SP3: variants seen among roughly 807,000 people sequenced by gnomAD.
SP3 encodes the protein transcription factor Sp3.
In SP3, 10 loss-of-function variants were observed where a neutral mutation model predicts 70.3. The observed-to-expected ratio is 0.14, with a 90% CI of 0.09 to 0.24. The LOEUF is 0.24. Among genes scored for constraint, SP3 ranks in the 10% least tolerant of loss-of-function variants. The pLI, the probability that SP3 is intolerant of heterozygous loss-of-function variation, is 1.00. For synonymous variants in SP3, 402 were observed against 333.5 expected (o/e 1.21, Z -2.24); for missense variants, 825 against 914.6 (o/e 0.90, Z 1.26).
intron 5 of SP3, chr2:173,914,343 T>C (rs1689572051): frequency 6.6e-6 from 1 of 152,058 alleles, no homozygotes; most frequent in Non-Finnish European, 1.5e-5. Context: ...AGTTTAGGCA[T>C]ATCCTGTAAA....
intron 3 of SP3, among the ~76,000 whole-genome samples, chr2:173,961,935 G>GC (rs1691094318): frequency 1.2e-5 from 1 of 81,014 alleles, no homozygotes; most frequent in Non-Finnish European, 2.4e-5. Flanking sequence ...TATGGTTTGG[G>GC]TTTTTTTTTT....
At chr2:173,948,090 G>GA (rs1391691875) in intron 4 of SP3, among the ~76,000 whole-genome samples, 2 of 152,116 alleles carry the variant, frequency 1.3e-5, no homozygotes, top group Non-Finnish European at 2.9e-5. Context: ...CCAGGCTCTT[G>GA]TTTTCAGCAA....
At chr2:173,962,685 G>A (rs1045326411) in intron 3 of SP3, among the ~76,000 whole-genome samples, 4 of 151,572 alleles carry the variant, frequency 2.6e-5, no homozygotes, top group Non-Finnish European at 5.9e-5. Context: ...AGCATTTGTT[G>A]TAGACTATAC....
intron 4 of SP3, among the ~76,000 whole-genome samples, chr2:173,941,626 T>G (rs748166083): frequency 1.8e-4 from 28 of 152,062 alleles, no homozygotes; most frequent in Non-Finnish European, 3.8e-4. Flanking sequence ...GGGATAAGCA[T>G]TCCCTCCTCC....
intron 4 of SP3, among the ~76,000 whole-genome samples, chr2:173,927,256 A>G (rs2105468224): frequency 6.6e-6 from 1 of 151,858 alleles, no homozygotes; most frequent in South Asian, 2.1e-4. Flanking sequence ...TGGGACTTCC[A>G]AACCATATCA....
rs1423911680 is a variant in SP3, at chr2:173,910,124, A to G, written c.2163T>C (p.Ala721=). 1 of 1,612,480 alleles carries G rather than the reference A, an allele frequency of 6.2e-7. No homozygotes were observed. Among genetic ancestry groups the G allele is most frequent in the Middle Eastern group, 1.7e-4 (1 of 6,046 alleles). ...SSSTVLASVE[A]ARDDTLITAG... is the part of the protein sequence containing the mutation. ...CAGTAATCAAAGTATCATCTCGCGC[A>G]GCTTCCACAGATGCCAGCACTGTAC... is the stretch of plus-strand genomic sequence containing the variant. The change falls in exon 7 of 7, where the codon GCT becomes GCC. Residue 721 remains alanine, a synonymous_variant. Coordinates refer to ENST00000310015, the MANE Select transcript of SP3 (RefSeq NM_003111.5).
Position 173,909,959 on chromosome 2 carries a change from T to A in SP3, c.2328A>T (p.Gly776=). The change falls in exon 7 of 7, where the codon GGA becomes GGT. Residue 776 remains glycine (G), a synonymous_variant. Transcript: ENST00000310015. Reference sequence around the variant, plus strand: ...GTAATATTTACTCCATTGTCTCATTTCCAGAAACTGTGACAAGCTGTAAAG... The same window carrying A: ...GTAATATTTACTCCATTGTCTCATTACCAGAAACTGTGACAAGCTGTAAAG... ...EIPLQLVTVS[G]NETME is the part of the protein sequence containing the mutation. 3.7e-6 allele frequency: 6 copies of A among 1,613,742 alleles called. No homozygotes were observed. The South Asian group carries it at 6.6e-5, about 18-fold the overall frequency.
chr2:173,957,438 T>A (rs1690932429), intron 3 of SP3, among the ~76,000 whole-genome samples: 1 of 152,268 alleles, frequency 6.6e-6, no homozygotes, highest in East Asian at 1.9e-4. Flanking sequence ...TATTAGAATA[T>A]AAGATTTTCC....
At chr2:173,951,160 T>C (rs1690700923) in intron 4 of SP3, among the ~76,000 whole-genome samples, 1 of 152,200 alleles carries the variant, frequency 6.6e-6, no homozygotes, top group Non-Finnish European at 1.5e-5. Context: ...AAATCAAAGT[T>C]TCTAGATTTA....
At chr2:173,920,136 TATG>T (rs1454485845) in intron 4 of SP3, among the ~76,000 whole-genome samples, 3 of 152,218 alleles carry the variant, frequency 2.0e-5, no homozygotes, top group Non-Finnish European at 4.4e-5. Flanking sequence ...TGGGATCGTG[TATG>T]ATATTTATAT....
At chr2:173,946,717 C>T (rs976600706) in intron 4 of SP3, among the ~76,000 whole-genome samples, 1 of 140,780 alleles carries the variant, frequency 7.1e-6, no homozygotes, top group Non-Finnish European at 1.5e-5. Flanking sequence ...AAAGAAAGAT[C>T]TGCCTTTTTT....
chr2:173,938,667 G>C (rs1690276407), intron 4 of SP3, among the ~76,000 whole-genome samples: 1 of 151,880 alleles, frequency 6.6e-6, no homozygotes, highest in Admixed American at 6.6e-5. Flanking sequence ...ACAAGACAAA[G>C]GACAAGTGCT....
In SP3 at chr2:173,902,271, C is replaced by G. The variant is rs538979850; in HGVS notation, c.*7670G>C. Among the ~76,000 whole-genome samples, 1 of 152,272 alleles carries G rather than the reference C, an allele frequency of 6.6e-6. No homozygotes were observed. The highest frequency in any genetic ancestry group is 1.9e-4 in the East Asian group (1 of 5,184). On this transcript the variant is annotated 3_prime_UTR_variant, in exon 7 of 7. Transcript: ENST00000310015. ...CCAGATGAATCTAGAATCATTTTGT[C>G]AAATCCCAAAACAAAATTTCATTGT...
At chr2:173,937,852 A>G (rs1283672185) in intron 4 of SP3, among the ~76,000 whole-genome samples, 2 of 152,206 alleles carry the variant, frequency 1.3e-5, no homozygotes, top group East Asian at 3.8e-4. Context: ...AATCCGAGAT[A>G]TAACATTTCA....
rs1689182496 is a variant in SP3 at position 173,901,167 on chromosome 2, CA to C, written c.*8773del. ...AAAATAATGGACTTTATGCCATAAA[CA>C]AAAGTAATTTCAAAGTGAATTAACA... On this transcript the variant is annotated 3_prime_UTR_variant, in exon 7 of 7. Coordinates refer to ENST00000310015, the MANE Select transcript of SP3 (RefSeq NM_003111.5). 2.0e-5 allele frequency among the ~76,000 whole-genome samples: 3 copies of C among 147,806 alleles called. No individual in the cohort carries two copies. In the South Asian group the frequency reaches 6.6e-4, roughly 33 times the overall value.
chr2:173,919,357 A>G (rs944264375), intron 4 of SP3, among the ~76,000 whole-genome samples: 1 of 152,226 alleles, frequency 6.6e-6, no homozygotes, highest in Admixed American at 6.5e-5. Context: ...TTAATGTAGT[A>G]AGCCCTAAAT....
chr2:173,941,792 A>G (rs1447590198), intron 4 of SP3, among the ~76,000 whole-genome samples: 1 of 152,160 alleles, frequency 6.6e-6, no homozygotes, highest in East Asian at 1.9e-4. Flanking sequence ...AATTTTGGAT[A>G]CTTAAGTTTC....
intron 4 of SP3, among the ~76,000 whole-genome samples, chr2:173,952,210 G>C (rs902169490): frequency 6.6e-6 from 1 of 151,168 alleles, no homozygotes; most frequent in Non-Finnish European, 1.5e-5. Context: ...ATAGCATCTA[G>C]TTCAGCTTGC....
intron 4 of SP3, among the ~76,000 whole-genome samples, chr2:173,946,138 T>G (rs1311310190): frequency 6.6e-6 from 1 of 151,530 alleles, no homozygotes; most frequent in Non-Finnish European, 1.5e-5. Flanking sequence ...AAAATAATAA[T>G]AAATTGATTA....
Sources: allele counts gnomAD v4.1 joint callset (sites outside exome capture counted in the v4.1 genomes callset), GRCh38; gene constraint gnomAD v4.1.1; transcripts MANE v1.5; gene names NCBI Gene and HGNC (gene_info 2026-07-23, HGNC 2026-07-21).